RBM6: variants seen among roughly 807,000 people sequenced by gnomAD.
The protein encoded by RBM6 is RNA binding motif protein 6.
Under a neutral mutation model 140.4 loss-of-function variants are expected in RBM6, and 23 were observed. That is an observed-to-expected ratio of 0.16 (90% confidence interval 0.12 to 0.23). RBM6 has a LOEUF of 0.23. Among genes scored for constraint, RBM6 ranks in the 10% least tolerant of loss-of-function variants. The pLI, the probability that RBM6 is intolerant of heterozygous loss-of-function variation, is 1.00. For synonymous variants in RBM6, 439 were observed against 475.6 expected (o/e 0.92, Z 1.00); for missense variants, 1,139 against 1,386.7 (o/e 0.82, Z 2.84).
At chr3:50,040,889 C>A (rs1053620274) in intron 6 of RBM6, among the ~76,000 whole-genome samples, 1 of 152,086 alleles carries the variant, frequency 6.6e-6, no homozygotes, top group South Asian at 2.1e-4. Flanking sequence ...AAGCAATCCA[C>A]CTGCCTTGAC....
chr3:49,974,859 G>A (rs1464389025), intron 4 of RBM6, among the ~76,000 whole-genome samples: 1 of 150,458 alleles, frequency 6.6e-6, no homozygotes, highest in Non-Finnish European at 1.5e-5. Flanking sequence ...GCTAATTTTT[G>A]TATTTTTAGT....
intron 6 of RBM6, among the ~76,000 whole-genome samples, chr3:50,012,765 G>A (rs1212534530): frequency 2.2e-5 from 3 of 136,508 alleles, no homozygotes; most frequent in East Asian, 2.2e-4. Context: ...TTTTTGAGGC[G>A]GAGTTTTGCT....
At chr3:50,061,273 T>C in intron 13 of RBM6, 52 bp downstream of exon 13, 1 of 1,611,818 alleles carries the variant, frequency 6.2e-7, no homozygotes. Context: ...GACTTGCTAC[T>C]CATTACTTGA....
chr3:49,987,784 G>A (rs796594029), intron 5 of RBM6, among the ~76,000 whole-genome samples: 35 of 151,890 alleles, frequency 2.3e-4, no homozygotes, highest in African/African-American at 8.0e-4. Flanking sequence ...GATTACAGCC[G>A]CCTGCCACTA....
intron 20 of RBM6, 39 bp from the exon 21 acceptor site, chr3:50,076,969 T>G (rs1376048674): frequency 1.3e-6 from 2 of 1,580,366 alleles, no homozygotes; most frequent in Admixed American, 3.8e-5. Context: ...GGCTAATTAA[T>G]CTATAGGGCC....
intron 6 of RBM6, among the ~76,000 whole-genome samples, chr3:50,036,599 C>T (rs2088551527): frequency 6.6e-6 from 1 of 152,088 alleles, no homozygotes; most frequent in Non-Finnish European, 1.5e-5. Flanking sequence ...ATGCTGCTTT[C>T]CAAATATTGG....
chr3:50,023,687 C>G (rs1384911118), intron 6 of RBM6, among the ~76,000 whole-genome samples: 1 of 100,788 alleles, frequency 9.9e-6, no homozygotes, highest in Non-Finnish European at 1.9e-5. Flanking sequence ...GAGACAGATT[C>G]TTGCTCTGTC....
intron 19 of RBM6, among the ~76,000 whole-genome samples, chr3:50,071,634 C>T (rs148835783): frequency 6.6e-6 from 1 of 151,902 alleles, no homozygotes; most frequent in Non-Finnish European, 1.5e-5. Context: ...GACCCTGCCT[C>T]TATTTAAAAA....
chr3:49,982,502 C>A (rs2085355830), intron 5 of RBM6, among the ~76,000 whole-genome samples: 1 of 151,952 alleles, frequency 6.6e-6, no homozygotes, highest in Non-Finnish European at 1.5e-5. Flanking sequence ...ACAGTCTCTG[C>A]CTCCTGGGTT....
chr3:49,983,066 C>T (rs1263071498), intron 5 of RBM6, among the ~76,000 whole-genome samples: 3 of 152,086 alleles, frequency 2.0e-5, no homozygotes, highest in Admixed American at 6.6e-5. Context: ...GCTGGTCTTA[C>T]ACTCCAAGGC....
At chr3:50,057,609 A>AT in intron 8 of RBM6, 119 bp from the exon 9 acceptor site, 29 of 517,112 alleles carry the variant, frequency 5.6e-5, no homozygotes, top group Non-Finnish European at 8.4e-5. Context: ...AAAAAAAAAA[A>AT]GGCATTCCAG....
At chr3:50,019,918 ATTTT>A (rs745603311) in intron 6 of RBM6, among the ~76,000 whole-genome samples, 2 of 136,242 alleles carry the variant, frequency 1.5e-5, no homozygotes. Context: ...ACATTAATTG[ATTTT>A]TTTTTTTTTT....
intron 6 of RBM6, among the ~76,000 whole-genome samples, chr3:50,007,532 A>C (rs1308785721): frequency 6.8e-6 from 1 of 147,836 alleles, no homozygotes; most frequent in Non-Finnish European, 1.5e-5. Context: ...GAGAATCTTA[A>C]ATTTTCTTTT....
At chr3:49,955,160 CTTTTTTTTT>C (rs869272546) in intron 1 of RBM6, among the ~76,000 whole-genome samples, 5 of 72,714 alleles carry the variant, frequency 6.9e-5, no homozygotes, top group East Asian at 4.4e-4. Context: ...TTTTTTCTTT[CTTTTTTTTT>C]TTTTTTTTTT....
intron 8 of RBM6, among the ~76,000 whole-genome samples, chr3:50,056,042 G>C (rs543436103): frequency 6.6e-6 from 1 of 152,290 alleles, no homozygotes; most frequent in Admixed American, 6.5e-5. Context: ...CCTACAAGGA[G>C]TTTCTTAGGT....
chr3:50,024,694 C>T (rs1486042052), intron 6 of RBM6, among the ~76,000 whole-genome samples: 2 of 152,228 alleles, frequency 1.3e-5, no homozygotes, highest in Non-Finnish European at 2.9e-5. Context: ...TGGCTCACGC[C>T]TGTTATCCCA....
rs148426423 is a variant in RBM6 at position 50,005,778 on chromosome 3, A to G, written c.1557+6265A>G. Among the ~76,000 whole-genome samples, 501 of 152,306 alleles carry G rather than the reference A, an allele frequency of 3.3e-3. 2 individuals carry two copies. The highest frequency in any genetic ancestry group is 0.011 in the African/African-American group (474 of 41,570). On this transcript the variant is annotated intron_variant, in intron 6 of 20. Transcript: ENST00000266022. ...AGCATCCTAGCCAGAGCTCAACTGT[A>G]TAACTTATGGCTGGAATCATGCCAT...
chr3:50,064,888 G>A, intron 15 of RBM6, 143 bp from the exon 16 acceptor site: 1 of 616,332 alleles, frequency 1.6e-6, no homozygotes, highest in South Asian at 2.2e-5. Flanking sequence ...TAGCCAGGGT[G>A]GTCTCGATCT....
intron 16 of RBM6, 86 bp from the exon 17 acceptor site, chr3:50,066,156 T>G: frequency 3.0e-5 from 41 of 1,381,852 alleles, no homozygotes; most frequent in Non-Finnish European, 3.7e-5. Context: ...TTCAATGAAA[T>G]GAGATGCCCA....
Sources: gnomAD v4.1 joint callset for allele counts (sites outside exome capture counted in the v4.1 genomes callset) on GRCh38, gnomAD v4.1.1 for gene constraint, MANE v1.5 for transcripts, NCBI Gene and HGNC (gene_info 2026-07-23, HGNC 2026-07-21) for gene names.